SOX5: variants seen among roughly 807,000 people sequenced by gnomAD.
SOX5 encodes the protein transcription factor SOX-5.
SOX5 carries 9 observed loss-of-function variants against 92.0 expected under a neutral mutation model. That is an observed-to-expected ratio of 0.10 (90% CI 0.06 to 0.17). The LOEUF (loss-of-function observed/expected upper bound fraction) is 0.17, where lower values mean the gene tolerates loss of function less well. Ranked by LOEUF, SOX5 falls within the 10% of genes least tolerant of loss-of-function variation. The pLI is 1.00. For missense variants in SOX5, 642 were observed against 944.5 expected (o/e 0.68, Z 4.20); for synonymous variants, 344 against 336.3 (o/e 1.02, Z -0.25).
At chr12:23,866,188 CATAAGT>C (rs946487837) in intron 2 of SOX5, among the ~76,000 whole-genome samples, 2 of 151,888 alleles carry the variant, frequency 1.3e-5, no homozygotes, top group African/African-American at 4.8e-5. Context: ...TACACTATGG[CATAAGT>C]ATAACATAAT....
chr12:24,428,726 C>CAAAAAAAAAAAAAAAAA lies in SOX5; in HGVS notation c.-250-60104_-250-60088dup, dbSNP rs57964050. On this transcript the variant is annotated intron_variant, in intron 1 of 4. Transcript: ENST00000446891. Reference sequence around the variant, plus strand: ...GGCAACAGAGTGAGACTCTGTTTCTCAAAAAAAAAAAAAAAAAAAAAAAAA... The same window carrying CAAAAAAAAAAAAAAAAA: ...GGCAACAGAGTGAGACTCTGTTTCTCAAAAAAAAAAAAAAAAAAAAAAAAAAAAAAAAAAAAAAAAAA... Among the ~76,000 whole-genome samples the CAAAAAAAAAAAAAAAAA allele has an allele frequency of 1.3e-3, 42 of 32,596 alleles. 11 individuals carry two copies. The highest frequency in any genetic ancestry group is 1.4e-3 in the African/African-American group (11 of 7,964). The allele number at this position is 32,596 out of a possible 152,430, so 21.4% of individuals were successfully genotyped here. A position where few individuals can be genotyped will look rare whatever the true frequency, so the allele number is the denominator to read the frequency against.
chr12:24,271,000 T>C (rs1019211398), intron 3 of SOX5, among the ~76,000 whole-genome samples: 4 of 152,234 alleles, frequency 2.6e-5, no homozygotes, highest in African/African-American at 7.2e-5. Flanking sequence ...TTCTGACACA[T>C]ATATACACAT....
chr12:23,582,142 G>A (rs746999162), intron 9 of SOX5: 9 of 984,964 alleles, frequency 9.1e-6, no homozygotes, highest in Non-Finnish European at 1.1e-5. Context: ...ATTGCATAAT[G>A]TGCACTGTTG....
intron 4 of SOX5, among the ~76,000 whole-genome samples, chr12:24,050,503 A>G (rs1028857834): frequency 6.6e-6 from 1 of 152,188 alleles, no homozygotes; most frequent in African/African-American, 2.4e-5. Context: ...GAGTAATAAC[A>G]AAACCTCTGT....
chr12:24,117,273 C>A (rs1948115657), intron 4 of SOX5, among the ~76,000 whole-genome samples: 1 of 152,172 alleles, frequency 6.6e-6, no homozygotes, highest in African/African-American at 2.4e-5. Context: ...TATCACCTCA[C>A]ACCTGTTAGA....
chr12:24,454,335 C>T (rs947230534), intron 1 of SOX5, among the ~76,000 whole-genome samples: 2 of 152,206 alleles, frequency 1.3e-5, no homozygotes, highest in Non-Finnish European at 2.9e-5. Flanking sequence ...ACAGGTTAAA[C>T]TACTGGCTCA....
At chr12:23,618,772 TTC>T (rs1180918629) in intron 8 of SOX5, among the ~76,000 whole-genome samples, 2 of 152,194 alleles carry the variant, frequency 1.3e-5, no homozygotes, top group Non-Finnish European at 2.9e-5. Context: ...CCTGAAATTC[TTC>T]TGTGATGTAA....
intron 3 of SOX5, among the ~76,000 whole-genome samples, chr12:24,225,777 T>C (rs1206436405): frequency 2.6e-5 from 4 of 152,212 alleles, no homozygotes; most frequent in Non-Finnish European, 2.9e-5. Context: ...ATAGATACTA[T>C]ATCCCCTCTT....
chr12:24,123,128 A>G (rs1271353888), intron 4 of SOX5, among the ~76,000 whole-genome samples: 1 of 152,220 alleles, frequency 6.6e-6, no homozygotes, highest in Non-Finnish European at 1.5e-5. Context: ...ACCTCCTCTG[A>G]TACATGCATG....
intron 2 of SOX5, among the ~76,000 whole-genome samples, chr12:24,303,990 T>G (rs113979385): frequency 6.6e-5 from 10 of 152,322 alleles, no homozygotes; most frequent in African/African-American, 2.4e-4. Context: ...CTAATGGAGC[T>G]CGATGGTTCT....
At chr12:24,409,859 T>C (rs1018083789) in intron 1 of SOX5, among the ~76,000 whole-genome samples, 1 of 152,240 alleles carries the variant, frequency 6.6e-6, no homozygotes, top group Non-Finnish European at 1.5e-5. Flanking sequence ...TCTTTTTTAC[T>C]ATAGAGTTTT....
rs187813280 is a variant in SOX5, at chr12:24,350,941, C to T, written c.-174+17622G>A. ...GATGGTGCACACACGCCTGTAATCC[C>T]AGCTACCTGAGAGGCTGAGGCATGA... On this transcript the variant is annotated intron_variant, in intron 2 of 4. Transcript: ENST00000446891. Among the ~76,000 whole-genome samples, 75 of 152,202 alleles carry T rather than the reference C, an allele frequency of 4.9e-4. 1 individual carries two copies. Among genetic ancestry groups the T allele is most frequent in the Admixed American group, 2.6e-4 (4 of 15,298 alleles).
rs1436518789 is a variant in SOX5 at position 24,489,080 on chromosome 12, G to C, written c.-251+73249C>G. 2.6e-5 allele frequency among the ~76,000 whole-genome samples: 4 copies of C among 152,096 alleles called. No individual in the cohort carries two copies. In the East Asian group the frequency reaches 7.7e-4, roughly 29 times the overall value. On this transcript the variant is annotated intron_variant, in intron 1 of 4. Transcript: ENST00000446891. Reference sequence around the variant, plus strand: ...AGTTTGCATTGAAGGTCTAACTTACGGGACCAATGTGAAACCCCTCAGGCC... The same window carrying C: ...AGTTTGCATTGAAGGTCTAACTTACCGGACCAATGTGAAACCCCTCAGGCC...
chr12:24,239,826 C>T (rs76785052), intron 3 of SOX5, among the ~76,000 whole-genome samples: 18,300 of 152,096 alleles, frequency 0.12, 1,510 homozygotes, highest in Non-Finnish European at 0.17. Context: ...ATGTTTATGC[C>T]ATTCTTTCAC....
intron 2 of SOX5, among the ~76,000 whole-genome samples, chr12:24,363,927 G>A (rs553052609): frequency 5.3e-5 from 8 of 152,274 alleles, no homozygotes; most frequent in African/African-American, 1.9e-4. Flanking sequence ...TCCTTCCCAG[G>A]AAAGAATGGA....
At chr12:24,458,543 G>C (rs1204868347) in intron 1 of SOX5, among the ~76,000 whole-genome samples, 1 of 152,038 alleles carries the variant, frequency 6.6e-6, no homozygotes, top group Non-Finnish European at 1.5e-5. Context: ...CAAATCTCTG[G>C]GGGGTAGGAT....
chr12:24,477,670 T>A (rs983599864), intron 1 of SOX5, among the ~76,000 whole-genome samples: 1 of 152,154 alleles, frequency 6.6e-6, no homozygotes, highest in Non-Finnish European at 1.5e-5. Flanking sequence ...ATCCCTCAAG[T>A]CTTCTGGGTT....
intron 10 of SOX5, among the ~76,000 whole-genome samples, chr12:23,574,780 A>T (rs1043509827): frequency 6.6e-6 from 1 of 152,224 alleles, no homozygotes; most frequent in Non-Finnish European, 1.5e-5. Flanking sequence ...ACTGCCTAGA[A>T]TGCCTAGGAA....
At chr12:23,767,784 A>G (rs1463002314) in intron 3 of SOX5, among the ~76,000 whole-genome samples, 1 of 151,224 alleles carries the variant, frequency 6.6e-6, no homozygotes, top group African/African-American at 2.4e-5. Flanking sequence ...TTTCTCCTGC[A>G]CTGATCTTTT....
Sources: allele counts gnomAD v4.1 joint callset (sites outside exome capture counted in the v4.1 genomes callset), GRCh38; gene constraint gnomAD v4.1.1; transcripts MANE v1.5; gene names NCBI Gene and HGNC (gene_info 2026-07-23, HGNC 2026-07-21).